Variants in PHACTR4 observed in about 807,000 individuals in gnomAD.
PHACTR4 encodes phosphatase and actin regulator 4.
Under a neutral mutation model 72.7 loss-of-function variants are expected in PHACTR4, and 51 were observed. That is an observed-to-expected ratio of 0.70 (90% CI 0.56 to 0.89). PHACTR4 has a LOEUF of 0.89. Ranked by LOEUF, PHACTR4 falls within the 40% of genes least tolerant of loss-of-function variation. The pLI is 0.00. For synonymous variants in PHACTR4, 255 were observed against 302.5 expected (o/e 0.84, Z 1.63); for missense variants, 731 against 861.8 (o/e 0.85, Z 1.90).
chr1:28,443,516 T>C (rs34990158), intron 2 of PHACTR4, among the ~76,000 whole-genome samples: 58,385 of 151,514 alleles, frequency 0.39, 12,934 homozygotes, highest in African/African-American at 0.6. Flanking sequence ...GACACAATCA[T>C]AGCTCACTGC....
At chr1:28,416,166 G>A (rs945225529) in intron 2 of PHACTR4, among the ~76,000 whole-genome samples, 1 of 152,094 alleles carries the variant, frequency 6.6e-6, no homozygotes, top group Non-Finnish European at 1.5e-5. Context: ...CAGGGTGTAG[G>A]AGTTAAATTC....
At chr1:28,423,251 TA>T (rs1655622073) in intron 2 of PHACTR4, among the ~76,000 whole-genome samples, 1 of 151,928 alleles carries the variant, frequency 6.6e-6, no homozygotes. Flanking sequence ...TGACAAAAAA[TA>T]AACAGAATTA....
rs1314379256 is a variant in PHACTR4 at position 28,499,223 on chromosome 1, C to G, written c.*2674C>G. The G allele has an allele frequency of 6.6e-6, 1 of 151,936 alleles. No individual in the cohort carries two copies. The highest frequency in any genetic ancestry group is 2.0e-4 in the East Asian group (1 of 5,086). 9.4% of individuals were successfully genotyped at this position (151,936 alleles called of 1,614,324 possible). A position where few individuals can be genotyped will look rare whatever the true frequency, so the allele number is the denominator to read the frequency against. ...CAATCTCAGCTCACTGCAACCTCCGCCTCCCGGGTTGAGGCGATTCTCCTA... is the reference window on the plus strand; with the variant it reads ...CAATCTCAGCTCACTGCAACCTCCGGCTCCCGGGTTGAGGCGATTCTCCTA... On this transcript the variant is annotated 3_prime_UTR_variant, in exon 14 of 14. Coordinates refer to ENST00000373839, the MANE Select transcript of PHACTR4 (RefSeq NM_001048183.3).
At chr1:28,438,211 G>T (rs190809899) in intron 2 of PHACTR4, 1 of 1,364,408 alleles carries the variant, frequency 7.3e-7, no homozygotes, top group East Asian at 2.9e-5. Context: ...TGCTCAGGCT[G>T]TATGGGAAAC....
rs1212376576 is a variant in PHACTR4 at position 28,487,736 on chromosome 1, T to G, written c.1761-1434T>G. 5.6e-4 allele frequency among the ~76,000 whole-genome samples: 74 copies of G among 131,618 alleles called. 2 individuals carry two copies. Among genetic ancestry groups the G allele is most frequent in the African/African-American group, 2.1e-3 (71 of 33,944 alleles). The allele number at this position is 131,618 out of a possible 152,430, so 86.3% of individuals were successfully genotyped here. A position where few individuals can be genotyped will look rare whatever the true frequency, so the allele number is the denominator to read the frequency against. On this transcript the variant is annotated intron_variant, in intron 9 of 13. Coordinates refer to ENST00000373839, the MANE Select transcript of PHACTR4 (RefSeq NM_001048183.3). ...ATTGTAGTTTTTTGTTGTTTTTTTT[T>G]TTTTTTTTTTTTTTTTTGAGATGGA...
intron 13 of PHACTR4, among the ~76,000 whole-genome samples, chr1:28,495,856 ATCT>A (rs1661315637): frequency 6.6e-6 from 1 of 151,816 alleles, no homozygotes; most frequent in Non-Finnish European, 1.5e-5. Flanking sequence ...GTCTCAAATG[ATCT>A]TCTCACCTTG....
intron 2 of PHACTR4, among the ~76,000 whole-genome samples, chr1:28,451,762 G>A (rs1011403649): frequency 3.9e-5 from 6 of 151,902 alleles, no homozygotes; most frequent in Non-Finnish European, 7.4e-5. Flanking sequence ...TCCTGCCCCA[G>A]CCTCCCAAGT....
chr1:28,434,872 T>C (rs1311763275), intron 2 of PHACTR4, among the ~76,000 whole-genome samples: 1 of 152,176 alleles, frequency 6.6e-6, no homozygotes, highest in Non-Finnish European at 1.5e-5. Context: ...GCATTTAAAT[T>C]TGGCAGATGG....
rs1305695828 is a variant in PHACTR4, at chr1:28,496,993, A to T, written c.*444A>T. On this transcript the variant is annotated 3_prime_UTR_variant, in exon 14 of 14. Coordinates refer to ENST00000373839, the MANE Select transcript of PHACTR4 (RefSeq NM_001048183.3). ...TCAAATCCAATTCCTGGTGGGGAAA[A>T]CCTTCTGGAGACCCCCAACCTTCTG... The T allele has an allele frequency of 4.8e-6, 1 of 210,258 alleles. No individual in the cohort carries two copies. Among genetic ancestry groups the T allele is most frequent in the Non-Finnish European group, 9.6e-6 (1 of 104,204 alleles). The allele number at this position is 210,258 out of a possible 1,614,324, so 13.0% of individuals were successfully genotyped here.
chr1:28,469,732 G>A (rs1171817815), intron 6 of PHACTR4, among the ~76,000 whole-genome samples: 1 of 152,162 alleles, frequency 6.6e-6, no homozygotes, highest in African/African-American at 2.4e-5. Flanking sequence ...GTGTGTGTAT[G>A]CAGTGTTTTT....
At chr1:28,472,123 G>A (rs542097805) in intron 6 of PHACTR4, among the ~76,000 whole-genome samples, 4 of 151,574 alleles carry the variant, frequency 2.6e-5, no homozygotes, top group South Asian at 2.1e-4. Context: ...TGAGGCAGGC[G>A]AATGGTGTGA....
chr1:28,391,748 G>A (rs2124196260), intron 1 of PHACTR4, among the ~76,000 whole-genome samples: 1 of 151,618 alleles, frequency 6.6e-6, no homozygotes, highest in East Asian at 1.9e-4. Flanking sequence ...TGGAATTACA[G>A]GCATGCACCA....
intron 8 of PHACTR4, among the ~76,000 whole-genome samples, chr1:28,476,701 G>A (rs902630578): frequency 6.6e-6 from 1 of 151,010 alleles, no homozygotes; most frequent in South Asian, 2.1e-4. Flanking sequence ...CAACTGGTTA[G>A]GTTTCTTTGA....
intron 6 of PHACTR4, among the ~76,000 whole-genome samples, chr1:28,470,286 G>A (rs1659480205): frequency 6.6e-6 from 1 of 151,944 alleles, no homozygotes. Context: ...CTAGCTACTT[G>A]GGAGATTGAG....
At chr1:28,480,420 T>G (rs1379136499) in intron 8 of PHACTR4, 31 bp from the exon 9 acceptor site, 2 of 1,611,512 alleles carry the variant, frequency 1.2e-6, no homozygotes, top group Admixed American at 3.3e-5. Flanking sequence ...AAGCCTCAAG[T>G]TCTACATTTT....
At chr1:28,471,305 C>T (rs1036620786) in intron 6 of PHACTR4, among the ~76,000 whole-genome samples, 65 of 151,322 alleles carry the variant, frequency 4.3e-4, no homozygotes, top group African/African-American at 1.4e-3. Context: ...GCCGAGATGG[C>T]GCCATTGCAC....
intron 9 of PHACTR4, among the ~76,000 whole-genome samples, chr1:28,480,980 A>C (rs1660244707): frequency 6.6e-6 from 1 of 150,998 alleles, no homozygotes; most frequent in South Asian, 2.1e-4. Context: ...GAGCCCCTAT[A>C]CCTAGTCTAT....
At chr1:28,406,550 G>T (rs536976583) in intron 1 of PHACTR4, among the ~76,000 whole-genome samples, 1 of 152,256 alleles carries the variant, frequency 6.6e-6, no homozygotes, top group South Asian at 2.1e-4. Flanking sequence ...CCAGATGATT[G>T]CTAGTACGAG....
At chr1:28,491,877 T>C (rs1661060587) in intron 12 of PHACTR4, 90 bp downstream of exon 12, 1 of 1,402,246 alleles carries the variant, frequency 7.1e-7, no homozygotes, top group Non-Finnish European at 9.6e-7. Context: ...GGGAGAACCA[T>C]AAACAAAACT....
Sources: allele counts gnomAD v4.1 joint callset (sites outside exome capture counted in the v4.1 genomes callset), GRCh38; gene constraint gnomAD v4.1.1; transcripts MANE v1.5; gene names NCBI Gene and HGNC (gene_info 2026-07-23, HGNC 2026-07-21).